The following TBC1D22A variants were observed in gnomAD, a reference collection of about 807,000 sequenced individuals.
TBC1D22A encodes TBC1 domain family member 22A.
Under a neutral mutation model 60.2 loss-of-function variants are expected in TBC1D22A, and 38 were observed. The ratio of observed to expected loss-of-function variants is 0.63; its 90% CI spans 0.49 to 0.83. The LOEUF (loss-of-function observed/expected upper bound fraction) is 0.83. Ranked by LOEUF, TBC1D22A falls within the 40% of genes least tolerant of loss-of-function variation. The pLI is 0.00. For synonymous variants in TBC1D22A, 302 were observed against 281.7 expected (o/e 1.07, Z -0.72); for missense variants, 628 against 701.0 (o/e 0.90, Z 1.18).
At chr22:46,998,263 A>G (rs1407124021) in intron 10 of TBC1D22A, among the ~76,000 whole-genome samples, 1 of 152,144 alleles carries the variant, frequency 6.6e-6, no homozygotes, top group Non-Finnish European at 1.5e-5. Context: ...CTGTCATATT[A>G]CAATAGCAGA....
chr22:47,035,863 C>T (rs1000938670), intron 10 of TBC1D22A, among the ~76,000 whole-genome samples: 1 of 152,218 alleles, frequency 6.6e-6, no homozygotes, highest in African/African-American at 2.4e-5. Flanking sequence ...GTCAGGTGGA[C>T]GGCATTGCAG....
chr22:46,901,121 T>C (rs1396472304), intron 7 of TBC1D22A, among the ~76,000 whole-genome samples: 3 of 152,246 alleles, frequency 2.0e-5, no homozygotes, highest in Admixed American at 6.5e-5. Flanking sequence ...TGTATATTCC[T>C]GAAATAAATC....
chr22:46,973,090 A>C (rs1029240508), intron 8 of TBC1D22A, among the ~76,000 whole-genome samples: 2 of 152,196 alleles, frequency 1.3e-5, no homozygotes, highest in African/African-American at 2.4e-5. Flanking sequence ...CGTCTCTTCC[A>C]GTCACACACT....
intron 4 of TBC1D22A, among the ~76,000 whole-genome samples, chr22:46,843,235 C>T (rs915685993): frequency 6.6e-5 from 10 of 152,148 alleles, no homozygotes; most frequent in African/African-American, 2.2e-4. Flanking sequence ...TTGTTACGAG[C>T]ATTCGGTGTA....
At chr22:46,886,069 G>T (rs2068098894) in intron 5 of TBC1D22A, among the ~76,000 whole-genome samples, 1 of 151,992 alleles carries the variant, frequency 6.6e-6, no homozygotes. Flanking sequence ...CACCACGCCT[G>T]GCTAATTTTT....
chr22:47,123,652 T>C (rs1601588149), intron 12 of TBC1D22A, among the ~76,000 whole-genome samples: 1 of 152,232 alleles, frequency 6.6e-6, no homozygotes, highest in South Asian at 2.1e-4. Flanking sequence ...TTCATGCAGG[T>C]TTCTCTTTCA....
chr22:47,140,726 T>G (rs1347798122), intron 12 of TBC1D22A, among the ~76,000 whole-genome samples: 1 of 152,210 alleles, frequency 6.6e-6, no homozygotes, highest in East Asian at 1.9e-4. Context: ...AGCCTGGCCC[T>G]GGCGGCTTGG....
chr22:46,889,606 G>A (rs1280245033), intron 5 of TBC1D22A, among the ~76,000 whole-genome samples: 1 of 152,174 alleles, frequency 6.6e-6, no homozygotes, highest in East Asian at 1.9e-4. Flanking sequence ...AATGCTCATC[G>A]ACAGGCGAAT....
chr22:46,829,943 T>G (rs935466260), intron 4 of TBC1D22A, among the ~76,000 whole-genome samples: 3 of 152,208 alleles, frequency 2.0e-5, no homozygotes, highest in Non-Finnish European at 4.4e-5. Flanking sequence ...AGCTCAGTAC[T>G]AGGCACCATG....
chr22:46,788,396 A>G (rs960175764), intron 1 of TBC1D22A, among the ~76,000 whole-genome samples: 7 of 152,212 alleles, frequency 4.6e-5, no homozygotes, highest in African/African-American at 1.4e-4. Context: ...ATTATTCTCT[A>G]TGCTTTATTG....
chr22:46,824,959 C>T (rs907833336), intron 4 of TBC1D22A, among the ~76,000 whole-genome samples: 8 of 152,028 alleles, frequency 5.3e-5, no homozygotes, highest in African/African-American at 4.8e-5. Flanking sequence ...GATCTGTAGC[C>T]GAGGCAGATG....
intron 4 of TBC1D22A, among the ~76,000 whole-genome samples, chr22:46,843,810 T>C (rs1294249992): frequency 6.6e-6 from 1 of 152,014 alleles, no homozygotes; most frequent in Non-Finnish European, 1.5e-5. Flanking sequence ...CTGCATCTCA[T>C]TCACAGCGGA....
intron 1 of TBC1D22A, among the ~76,000 whole-genome samples, chr22:46,768,992 G>A (rs903842001): frequency 2.0e-5 from 3 of 150,962 alleles, no homozygotes; most frequent in African/African-American, 7.3e-5. Flanking sequence ...TACTCAGGAG[G>A]CTGAAGCAGG....
Position 46,793,510 on chromosome 22 carries a change from G to T in TBC1D22A, c.129G>T (p.Arg43Ser), listed in dbSNP as rs985127356. 5 of 1,614,034 alleles carry T rather than the reference G, an allele frequency of 3.1e-6. No individual in the cohort carries two copies. In the African/African-American group the frequency reaches 6.7e-5, roughly 22 times the overall value. ...FDPLLHGTLL[R>S]STAKMPTTPV... ...TGCCTTTGCATTGCAGTTTGCTCAG[G>T]TCCACGGCCAAGATGCCGACCACAC... The change falls in exon 3 of 13, where the codon AGG (arginine) becomes AGT (serine). Residue 43 changes from arginine to serine, a missense_variant. By Grantham distance (110) the Arg-to-Ser change is moderately radical. Coordinates refer to ENST00000337137, the MANE Select transcript of TBC1D22A (RefSeq NM_014346.5).
chr22:47,097,311 T>C (rs537339170), intron 11 of TBC1D22A, among the ~76,000 whole-genome samples: 6 of 152,340 alleles, frequency 3.9e-5, no homozygotes, highest in South Asian at 2.1e-4. Context: ...ATAGGGAGTT[T>C]TTATTAGAAG....
chr22:47,022,412 G>A (rs954881646), intron 10 of TBC1D22A, among the ~76,000 whole-genome samples: 5 of 152,196 alleles, frequency 3.3e-5, no homozygotes, highest in South Asian at 2.1e-4. Context: ...GTGTCAGGAG[G>A]CACCTGCAGG....
At chr22:47,133,845 C>T (rs2066767300) in intron 12 of TBC1D22A, among the ~76,000 whole-genome samples, 1 of 152,220 alleles carries the variant, frequency 6.6e-6, no homozygotes, top group Admixed American at 6.5e-5. Flanking sequence ...TCAACACGGC[C>T]CCGGGCATCC....
intron 12 of TBC1D22A, among the ~76,000 whole-genome samples, chr22:47,118,156 A>C (rs920416126): frequency 5.9e-5 from 9 of 152,126 alleles, no homozygotes; most frequent in Non-Finnish European, 1.2e-4. Flanking sequence ...GTGGATTGTG[A>C]ATCTGAATGG....
At chr22:47,087,932 G>T (rs1216355750) in intron 11 of TBC1D22A, among the ~76,000 whole-genome samples, 1 of 152,050 alleles carries the variant, frequency 6.6e-6, no homozygotes, top group Non-Finnish European at 1.5e-5. Flanking sequence ...AATTAGCCAG[G>T]CGTGGTGGCG....
Sources: gnomAD v4.1 joint callset for allele counts (sites outside exome capture counted in the v4.1 genomes callset) on GRCh38, gnomAD v4.1.1 for gene constraint, MANE v1.5 for transcripts, NCBI Gene and HGNC (gene_info 2026-07-23, HGNC 2026-07-21) for gene names.